ATP9A: variants seen among roughly 807,000 people sequenced by gnomAD.
ATP9A encodes ATPase phospholipid transporting 9A, also known as probable phospholipid-transporting ATPase IIA.
In ATP9A, 52 loss-of-function variants were observed where a neutral mutation model predicts 144.1. That is an observed-to-expected ratio of 0.36 (90% CI 0.29 to 0.45). The LOEUF (loss-of-function observed/expected upper bound fraction) is 0.45. Among genes scored for constraint, ATP9A ranks in the 20% least tolerant of loss-of-function variants. ATP9A has a pLI of 1.00. For missense variants in ATP9A, 947 were observed against 1,392.7 expected, an observed-to-expected ratio of 0.68 and a Z score of 5.09; for synonymous variants, 582 against 557.4, an observed-to-expected ratio of 1.04 and a Z score of -0.62.
At position 51,746,316 on chromosome 20, in the gene ATP9A, A is replaced by G. The variant is rs1267991804; in HGVS notation, c.69-16338T>C. ...TACGTAGCCCTGAACCTAAAATAAA[A>G]GTTTTTAAAATTTTTTATTTCATTC... is the stretch of plus-strand genomic sequence containing the variant. On this transcript the variant is annotated intron_variant, in intron 1 of 27. Coordinates refer to ENST00000338821, the MANE Select transcript of ATP9A (RefSeq NM_006045.3). Among the ~76,000 whole-genome samples the G allele has an allele frequency of 2.6e-5, 4 of 152,210 alleles. No homozygotes were observed. The East Asian group carries it at 7.7e-4, about 29-fold the overall frequency.
intron 14 of ATP9A, among the ~76,000 whole-genome samples, chr20:51,653,860 A>G (rs565998472): frequency 6.6e-6 from 1 of 152,250 alleles, no homozygotes; most frequent in South Asian, 2.1e-4. Context: ...AGGAGCTCAA[A>G]TAAAATAAAA....
chr20:51,752,697 G>A (rs1411313675), intron 1 of ATP9A, among the ~76,000 whole-genome samples: 3 of 152,184 alleles, frequency 2.0e-5, no homozygotes, highest in South Asian at 2.1e-4. Context: ...CTTCTTTGTT[G>A]GTCAGGCTTA....
intron 8 of ATP9A, 77 bp downstream of exon 8, chr20:51,690,662 G>A: frequency 8.0e-7 from 1 of 1,245,554 alleles, no homozygotes; most frequent in Middle Eastern, 1.9e-4. Context: ...ACAAAGAACT[G>A]TCAGTACTTC....
chr20:51,698,109 G>A (rs2077578168), intron 4 of ATP9A, among the ~76,000 whole-genome samples: 1 of 152,186 alleles, frequency 6.6e-6, no homozygotes, highest in South Asian at 2.1e-4. Flanking sequence ...ACGAGGAAAG[G>A]AGACTCAGGA....
At chr20:51,763,638 T>C (rs1374194741) in intron 1 of ATP9A, among the ~76,000 whole-genome samples, 1 of 152,190 alleles carries the variant, frequency 6.6e-6, no homozygotes, top group Non-Finnish European at 1.5e-5. Flanking sequence ...AATAGATGTA[T>C]GCTATATAAA....
chr20:51,640,528 C>T (rs2077314434), intron 14 of ATP9A, among the ~76,000 whole-genome samples: 2 of 152,194 alleles, frequency 1.3e-5, no homozygotes, highest in South Asian at 2.1e-4. Flanking sequence ...TGAAGTTGCC[C>T]AAGGTGACAG....
chr20:51,628,857 A>C, intron 16 of ATP9A, 123 bp downstream of exon 16: 2 of 763,890 alleles, frequency 2.6e-6, no homozygotes, highest in Admixed American at 4.3e-5. Flanking sequence ...AAGCAGCTGC[A>C]TTTCAGGGTG....
intron 1 of ATP9A, among the ~76,000 whole-genome samples, chr20:51,762,878 T>C (rs945549492): frequency 6.6e-6 from 1 of 151,534 alleles, no homozygotes; most frequent in African/African-American, 2.4e-5. Context: ...CCTGGCTTTT[T>C]TTATTATTAT....
intron 27 of ATP9A, 86 bp from the exon 28 acceptor site, chr20:51,601,433 A>G (rs1215571998): frequency 6.6e-6 from 9 of 1,361,114 alleles, no homozygotes; most frequent in Non-Finnish European, 7.9e-6. Flanking sequence ...CACAACTATC[A>G]AAGGGAAAGT....
At chr20:51,620,343 A>T (rs769287108) in intron 19 of ATP9A, among the ~76,000 whole-genome samples, 1 of 152,216 alleles carries the variant, frequency 6.6e-6, no homozygotes, top group Non-Finnish European at 1.5e-5. Flanking sequence ...GTCAATTCTC[A>T]TTATTCATAG....
intron 1 of ATP9A, among the ~76,000 whole-genome samples, chr20:51,761,348 G>A (rs781681002): frequency 2.6e-5 from 4 of 152,194 alleles, no homozygotes; most frequent in Admixed American, 2.0e-4. Context: ...CCCAGGTGGC[G>A]GGCTTCCTGT....
chr20:51,761,414 G>C (rs143819297), intron 1 of ATP9A, among the ~76,000 whole-genome samples: 6 of 152,268 alleles, frequency 3.9e-5, no homozygotes, highest in African/African-American at 1.4e-4. Context: ...TCCGTTCCCA[G>C]GGTCTGCAGC....
chr20:51,603,967 G>C (rs915404564), intron 27 of ATP9A, among the ~76,000 whole-genome samples: 9 of 152,090 alleles, frequency 5.9e-5, no homozygotes, highest in African/African-American at 2.2e-4. Context: ...TTTTAGTAGA[G>C]ATGGGGTTTC....
intron 23 of ATP9A, among the ~76,000 whole-genome samples, chr20:51,610,984 T>C (rs560652462): frequency 6.6e-6 from 1 of 152,260 alleles, no homozygotes; most frequent in Admixed American, 6.5e-5. Context: ...GGAGATCCAA[T>C]CAGGCTTGAA....
At chr20:51,744,802 T>C (rs2077800496) in intron 1 of ATP9A, among the ~76,000 whole-genome samples, 1 of 152,204 alleles carries the variant, frequency 6.6e-6, no homozygotes, top group African/African-American at 2.4e-5. Flanking sequence ...AGTCTCAGCA[T>C]TGACGCTGGG....
chr20:51,715,816 T>C (rs2077659511), intron 3 of ATP9A, among the ~76,000 whole-genome samples: 1 of 152,140 alleles, frequency 6.6e-6, no homozygotes, highest in Non-Finnish European at 1.5e-5. Flanking sequence ...CACAGATATT[T>C]AGAAAGAAGC....
chr20:51,650,552 T>TA (rs1262109375), intron 14 of ATP9A, among the ~76,000 whole-genome samples: 1 of 150,730 alleles, frequency 6.6e-6, no homozygotes, highest in African/African-American at 2.5e-5. Context: ...AAATAAAAAA[T>TA]AAAAAATATA....
At chr20:51,689,989 G>A (rs533113445) in intron 8 of ATP9A, among the ~76,000 whole-genome samples, 15 of 151,248 alleles carry the variant, frequency 9.9e-5, no homozygotes, top group Admixed American at 4.0e-4. Flanking sequence ...ATGCACACCT[G>A]GAATCCCAGC....
chr20:51,622,029 A>G (rs2122724712), intron 19 of ATP9A, 45 bp downstream of exon 19: 2 of 1,560,066 alleles, frequency 1.3e-6, no homozygotes. Context: ...TATAGGACAA[A>G]TCGAACATCA....
Sources: gnomAD v4.1 joint callset for allele counts (sites outside exome capture counted in the v4.1 genomes callset) on GRCh38, gnomAD v4.1.1 for gene constraint, MANE v1.5 for transcripts, NCBI Gene and HGNC (gene_info 2026-07-23, HGNC 2026-07-21) for gene names.